Variants in ATRX observed in about 807,000 individuals in gnomAD.
ATRX encodes the protein ATRX chromatin remodeler, also known as chromatin remodeler ATRX.
Under a neutral mutation model 172.6 loss-of-function variants are expected in ATRX, and 12 were observed. That is an observed-to-expected ratio of 0.07 (90% CI 0.04 to 0.11). The LOEUF (loss-of-function observed/expected upper bound fraction) is 0.11, where lower values mean the gene tolerates loss of function less well. Among genes scored for constraint, ATRX ranks in the 10% least tolerant of loss-of-function variants. ATRX has a pLI of 1.00. For missense variants in ATRX, 1,368 were observed against 1,767.4 expected (o/e 0.77, Z 4.05); for synonymous variants, 674 against 594.7 (o/e 1.13, Z -1.94).
At chrX:77,721,952 G>A (rs1159729346) in intron 1 of ATRX, among the ~76,000 whole-genome samples, 5 of 111,740 alleles carry the variant, frequency 4.5e-5, no homozygotes, top group African/African-American at 6.5e-5. Context: ...AACCAAAACA[G>A]CATGGTACTG....
chrX:77,744,140 A>AC (rs1557183688), intron 1 of ATRX, among the ~76,000 whole-genome samples: 2 of 111,626 alleles, frequency 1.8e-5, no homozygotes, highest in Admixed American at 9.5e-5. Context: ...ATATAATGAG[A>AC]CCCCCATCTC....
At chrX:77,674,312 C>A (rs1557132342) in intron 10 of ATRX, 1 of 110,942 alleles carries the variant, frequency 9.0e-6, no homozygotes, top group Non-Finnish European at 1.9e-5. Flanking sequence ...ACTACATAAC[C>A]CATGGGTATT....
chrX:77,703,248 G>A (rs1306172525), intron 2 of ATRX, among the ~76,000 whole-genome samples: 1 of 112,736 alleles, frequency 8.9e-6, no homozygotes, highest in Non-Finnish European at 1.9e-5. Context: ...GGCTTGTCCC[G>A]CCTATTTGGC....
At chrX:77,637,485 C>T (rs1426015837) in intron 15 of ATRX, among the ~76,000 whole-genome samples, 2 of 110,940 alleles carry the variant, frequency 1.8e-5, no homozygotes, top group African/African-American at 6.6e-5. Flanking sequence ...CAAGGTCATA[C>T]GACTATTGAG....
At chrX:77,587,169 T>C (rs1272408583) in intron 27 of ATRX, among the ~76,000 whole-genome samples, 1 of 111,583 alleles carries the variant, frequency 9.0e-6, no homozygotes, top group Non-Finnish European at 1.9e-5. Context: ...GATATAATAA[T>C]ACTTTCATAA....
chrX:77,658,223 A>G (rs1557120790), intron 12 of ATRX, among the ~76,000 whole-genome samples: 2 of 112,157 alleles, frequency 1.8e-5, no homozygotes, highest in Non-Finnish European at 3.8e-5. Flanking sequence ...AAAAAAAGAC[A>G]TACTGACATC....
intron 7 of ATRX, among the ~76,000 whole-genome samples, chrX:77,686,580 G>A (rs1372445210): frequency 3.6e-5 from 4 of 110,368 alleles, no homozygotes; most frequent in Non-Finnish European, 5.7e-5. Flanking sequence ...GCCGGGCGTG[G>A]TGGCAAGCGC....
At chrX:77,756,992 G>A (rs983461709) in intron 1 of ATRX, among the ~76,000 whole-genome samples, 1 of 110,725 alleles carries the variant, frequency 9.0e-6, no homozygotes. Context: ...CACCATGTTG[G>A]CCAGGCTGGT....
intron 19 of ATRX, among the ~76,000 whole-genome samples, chrX:77,627,986 A>C (rs942512362): frequency 7.1e-5 from 8 of 112,106 alleles, no homozygotes; most frequent in Non-Finnish European, 1.5e-4. Context: ...GGAGGGTTTC[A>C]AAATACCTAC....
intron 9 of ATRX, 138 bp from the exon 10 acceptor site, chrX:77,676,436 A>G (rs1333690786): frequency 2.3e-6 from 1 of 440,832 alleles, no homozygotes. Flanking sequence ...TATGAGTAAA[A>G]AGCATTCTTA....
In ATRX at chrX:77,683,261, C is replaced by T. The variant is rs782517014; in HGVS notation, c.1995G>A (p.Arg665=). The change falls in exon 9 of 35, where the codon AGG becomes AGA. Residue 665 remains arginine (R), a synonymous_variant. Coordinates refer to ENST00000373344, the MANE Select transcript of ATRX (RefSeq NM_000489.6). ...TTACAGGGTTAGTTTCTGTCGGTCG[C>T]CTCAAGGGTGTAGTCTTTACACGTG... The part of the protein sequence containing the change: ...RSPRVKTTPL[R]RPTETNPVTS... 1.7e-6 allele frequency: 2 copies of T among 1,210,859 alleles called. No individual in the cohort carries two copies. The highest frequency in any genetic ancestry group is 5.9e-5 in the East Asian group (2 of 33,827).
At chrX:77,776,317 T>A (rs2076348589) in intron 1 of ATRX, among the ~76,000 whole-genome samples, 1 of 110,453 alleles carries the variant, frequency 9.1e-6, no homozygotes, top group Admixed American at 9.7e-5. Context: ...CAGTAATAAC[T>A]AATATTTGAG....
intron 7 of ATRX, among the ~76,000 whole-genome samples, chrX:77,685,694 T>C (rs911574628): frequency 9.0e-6 from 1 of 111,685 alleles, no homozygotes; most frequent in Non-Finnish European, 1.9e-5. Flanking sequence ...GCTGAGTATA[T>C]ACACAAAAGA....
At chrX:77,739,147 T>C (rs1603295444) in intron 1 of ATRX, among the ~76,000 whole-genome samples, 1 of 110,507 alleles carries the variant, frequency 9.0e-6, no homozygotes, top group East Asian at 2.9e-4. Context: ...TTCCTACCCT[T>C]TCCCTCTGAG....
intron 28 of ATRX, chrX:77,561,751 T>A (rs942426143): frequency 9.0e-6 from 1 of 111,411 alleles, no homozygotes; most frequent in Non-Finnish European, 1.9e-5. Context: ...TTCACAAAAA[T>A]TACAGCAGTC....
chrX:77,633,578 A>G lies in ATRX; in HGVS notation c.4944T>C (p.Asp1648=). ...TAAAATAAGTTACCTCAAGCTTCTCATCATCTTTTAATCCCTCTTGCCACT... is the reference window on the plus strand; with the variant it reads ...TAAAATAAGTTACCTCAAGCTTCTCGTCATCTTTTAATCCCTCTTGCCACT... ...FEKWQEGLKD[D]EKLEVSELAT... Residue 1648 remains aspartate (D), a synonymous_variant, in exon 18 of 35, where the codon GAT becomes GAC. Coordinates refer to ENST00000373344, the MANE Select transcript of ATRX (RefSeq NM_000489.6). The G allele has an allele frequency of 8.3e-7, 1 of 1,208,974 alleles. No individual in the cohort carries two copies. Among genetic ancestry groups the G allele is most frequent in the Non-Finnish European group, 1.1e-6 (1 of 893,883 alleles).
chrX:77,755,735 C>T (rs782168913), intron 1 of ATRX, among the ~76,000 whole-genome samples: 20 of 111,469 alleles, frequency 1.8e-4, no homozygotes, highest in African/African-American at 6.2e-4. Flanking sequence ...CAGCCTGATG[C>T]CCACGGGAGC....
intron 28 of ATRX, among the ~76,000 whole-genome samples, chrX:77,568,727 C>G (rs1204459818): frequency 9.0e-6 from 1 of 111,334 alleles, no homozygotes; most frequent in African/African-American, 3.3e-5. Context: ...GCAAACAGAA[C>G]CAAGTACTAT....
At chrX:77,520,706 T>C (rs1182856037) in intron 34 of ATRX, 82 bp downstream of exon 34, 18 of 1,016,456 alleles carry the variant, frequency 1.8e-5, no homozygotes, top group Non-Finnish European at 2.4e-5. Flanking sequence ...GAATAATTAC[T>C]GACGTAGATG....
Sources: gnomAD v4.1 joint callset for allele counts (sites outside exome capture counted in the v4.1 genomes callset) on GRCh38, gnomAD v4.1.1 for gene constraint, MANE v1.5 for transcripts, NCBI Gene and HGNC (gene_info 2026-07-23, HGNC 2026-07-21) for gene names.